The following ZHX2 variants were observed in gnomAD, a reference collection of about 807,000 sequenced individuals.
The protein encoded by ZHX2 is zinc fingers and homeoboxes protein 2.
In ZHX2, 6 loss-of-function variants were observed where a neutral mutation model predicts 21.9. The observed-to-expected ratio is 0.27, with a 90% CI of 0.15 to 0.54. ZHX2 has a LOEUF of 0.54. ZHX2 is among the 20% of genes least tolerant of loss of function. ZHX2 has a pLI of 0.95. For synonymous variants in ZHX2, 434 were observed against 437.1 expected, an observed-to-expected ratio of 0.99 and a Z score of 0.09; for missense variants, 908 against 1,090.7, an observed-to-expected ratio of 0.83 and a Z score of 2.36.
chr8:122,801,837 A>C (rs1354181049), intron 1 of ZHX2, among the ~76,000 whole-genome samples: 1 of 152,180 alleles, frequency 6.6e-6, no homozygotes, highest in Non-Finnish European at 1.5e-5. Flanking sequence ...GATGACTGCC[A>C]GTTCCGGACA....
rs150966594 is a variant in ZHX2 at position 122,827,532 on chromosome 8, A to G, written c.-282-35945A>G. ...GTTGGTACTAATAGAGCCCTGTTTT[A>G]CAGATGAGAAAACTGAGGCTCAAAA... On this transcript the variant is annotated intron_variant, in intron 1 of 3. Coordinates refer to ENST00000314393, the MANE Select transcript of ZHX2 (RefSeq NM_014943.5). Among the ~76,000 whole-genome samples, 21 of 152,334 alleles carry G rather than the reference A, an allele frequency of 1.4e-4. No homozygotes were observed. The East Asian group carries it at 4.1e-3, about 29-fold the overall frequency.
At chr8:122,906,900 A>G (rs902472474) in intron 2 of ZHX2, among the ~76,000 whole-genome samples, 37 of 151,846 alleles carry the variant, frequency 2.4e-4, no homozygotes, top group East Asian at 1.9e-4. Context: ...TGAACTCCTC[A>G]CCTCAAGTGA....
chr8:122,954,147 C>G, intron 3 of ZHX2, 119 bp downstream of exon 3: 1 of 885,680 alleles, frequency 1.1e-6, no homozygotes, highest in Non-Finnish European at 1.7e-6. Context: ...GCGTCTTTTT[C>G]TTGTAATTAA....
intron 2 of ZHX2, among the ~76,000 whole-genome samples, chr8:122,864,712 C>T (rs1421064946): frequency 6.6e-6 from 1 of 152,192 alleles, no homozygotes; most frequent in South Asian, 2.1e-4. Context: ...TCAGCTTCAC[C>T]TGGAATCGTG....
chr8:122,872,327 A>G (rs888212831), intron 2 of ZHX2, among the ~76,000 whole-genome samples: 5 of 152,218 alleles, frequency 3.3e-5, no homozygotes, highest in African/African-American at 9.6e-5. Context: ...TGCCACTCGT[A>G]TGAAATTCAC....
At chr8:122,936,228 G>A (rs1179397534) in intron 2 of ZHX2, among the ~76,000 whole-genome samples, 1 of 152,210 alleles carries the variant, frequency 6.6e-6, no homozygotes, top group Non-Finnish European at 1.5e-5. Context: ...TTTGCAGGGA[G>A]GTGTTGAAGA....
chr8:122,858,673 C>A (rs561707620), intron 1 of ZHX2, among the ~76,000 whole-genome samples: 3 of 132,282 alleles, frequency 2.3e-5, no homozygotes, highest in Non-Finnish European at 3.1e-5. Flanking sequence ...CAGAATCTCA[C>A]TCTGTTGGCT....
chr8:122,959,218 T>G (rs2130329175), intron 3 of ZHX2, among the ~76,000 whole-genome samples: 1 of 152,308 alleles, frequency 6.6e-6, no homozygotes, highest in Admixed American at 6.5e-5. Context: ...AGGGATGACT[T>G]TGGAGAAGAG....
At chr8:122,928,970 T>C (rs1820919151) in intron 2 of ZHX2, among the ~76,000 whole-genome samples, 1 of 152,234 alleles carries the variant, frequency 6.6e-6, no homozygotes, top group Admixed American at 6.5e-5. Flanking sequence ...ATTATCTTAT[T>C]GGTTAACATT....
intron 1 of ZHX2, among the ~76,000 whole-genome samples, chr8:122,794,665 T>C (rs556952438): frequency 2.6e-5 from 4 of 152,290 alleles, no homozygotes; most frequent in African/African-American, 9.6e-5. Flanking sequence ...GACCCTGACA[T>C]GGTGGCTCTT....
intron 3 of ZHX2, among the ~76,000 whole-genome samples, chr8:122,954,971 G>A (rs572178498): frequency 6.7e-6 from 1 of 148,714 alleles, no homozygotes; most frequent in South Asian, 2.1e-4. Context: ...TATTTGCCTT[G>A]TCAGGGCAAA....
rs147325166 is a variant in ZHX2 at position 122,938,657 on chromosome 8, T to G, written c.-219-12635T>G. Among the ~76,000 whole-genome samples, 432 of 151,808 alleles carry G rather than the reference T, an allele frequency of 2.8e-3. 2 individuals carry two copies. The highest frequency in any genetic ancestry group is 9.5e-3 in the African/African-American group (394 of 41,408). ...TTTAACACCAGCCTGGGCAACATGG[T>G]GAAACACTGTCTCTACTAAAATACA... On this transcript the variant is annotated intron_variant, in intron 2 of 3. Transcript: ENST00000314393.
chr8:122,953,199 G>C lies in ZHX2; in HGVS notation c.1689G>C (p.Arg563Ser). Residue 563 changes from arginine (R) to serine (S), a missense_variant, in exon 3 of 4, where the codon AGG becomes AGC. By Grantham distance (110) the Arg-to-Ser change is moderately radical (BLOSUM62 -1). Transcript: ENST00000314393. The surrounding 1 kb of genome is among the most constrained non-coding windows in gnomAD (Gnocchi z 4.6). ...FPTQAELDRL[R>S]VETKLSRREI... ...CCCAAGCAGAACTGGATCGGCTAAG[G>C]GTGGAGACCAAGCTGAGCAGGAGAG... The C allele has an allele frequency of 6.2e-7, 1 of 1,613,794 alleles. No homozygotes were observed. The highest frequency in any genetic ancestry group is 8.5e-7 in the Non-Finnish European group (1 of 1,179,992).
At chr8:122,842,595 T>C (rs1050439761) in intron 1 of ZHX2, among the ~76,000 whole-genome samples, 96 of 152,224 alleles carry the variant, frequency 6.3e-4, no homozygotes, top group African/African-American at 2.2e-3. Flanking sequence ...TAGTCCCAGC[T>C]ACTCGGGAGG....
At chr8:122,961,892 T>C (rs1813459830) in intron 3 of ZHX2, among the ~76,000 whole-genome samples, 1 of 152,208 alleles carries the variant, frequency 6.6e-6, no homozygotes, top group Non-Finnish European at 1.5e-5. Flanking sequence ...GCATCTCAAC[T>C]TGCTTACTGC....
At chr8:122,968,020 T>C (rs888237075) in intron 3 of ZHX2, among the ~76,000 whole-genome samples, 20 of 151,992 alleles carry the variant, frequency 1.3e-4, no homozygotes. Flanking sequence ...TGTTAGTTTC[T>C]TTATTTAGGG....
At chr8:122,947,128 T>C (rs535606169) in intron 2 of ZHX2, among the ~76,000 whole-genome samples, 1 of 144,968 alleles carries the variant, frequency 6.9e-6, no homozygotes, top group African/African-American at 2.5e-5. Flanking sequence ...TAGTCAGGCA[T>C]GGTGGCTTAT....
At chr8:122,913,054 C>T (rs952416160) in intron 2 of ZHX2, among the ~76,000 whole-genome samples, 4 of 152,192 alleles carry the variant, frequency 2.6e-5, no homozygotes, top group African/African-American at 9.7e-5. Flanking sequence ...TGCCCTGCCT[C>T]CAGTCAGCTC....
chr8:122,910,219 C>T (rs745579491), intron 2 of ZHX2, among the ~76,000 whole-genome samples: 4 of 151,964 alleles, frequency 2.6e-5, no homozygotes, highest in South Asian at 2.1e-4. Flanking sequence ...GGCACTGCCC[C>T]GGGCACATCG....
Sources: gnomAD v4.1 joint callset for allele counts (sites outside exome capture counted in the v4.1 genomes callset) on GRCh38, gnomAD v4.1.1 for gene constraint, Gnocchi (gnomAD v3.1) non-coding constraint, MANE v1.5 for transcripts, NCBI Gene and HGNC (gene_info 2026-07-23, HGNC 2026-07-21) for gene names.